The following WDR47 variants were observed in gnomAD, a reference collection of about 807,000 sequenced individuals.
WDR47 encodes the protein WD repeat-containing protein 47.
A neutral mutation model predicts 97.2 loss-of-function variants in WDR47; 32 were observed. That is an observed-to-expected ratio of 0.33 (90% confidence interval 0.25 to 0.44). The LOEUF (loss-of-function observed/expected upper bound fraction) is 0.44, where lower values mean the gene tolerates loss of function less well. WDR47 is among the 20% of genes least tolerant of loss of function. WDR47 has a pLI of 1.00. For missense variants in WDR47, 782 were observed against 1,102.3 expected (o/e 0.71, Z 4.11); for synonymous variants, 375 against 373.5 (o/e 1.00, Z -0.05).
intron 1 of WDR47, among the ~76,000 whole-genome samples, chr1:109,025,688 T>G (rs1662164772): frequency 1.4e-5 from 2 of 143,992 alleles, no homozygotes; most frequent in Non-Finnish European, 3.1e-5. Context: ...GAGCCAAGAT[T>G]GTGCCACTGC....
chr1:108,992,878 G>A (rs1659469236), intron 8 of WDR47: 8 of 1,252,302 alleles, frequency 6.4e-6, no homozygotes, highest in South Asian at 5.0e-5. Context: ...AAAAAAAAAA[G>A]TAAATCCATA....
At chr1:108,988,588 G>A (rs545972434) in intron 9 of WDR47, among the ~76,000 whole-genome samples, 1 of 151,958 alleles carries the variant, frequency 6.6e-6, no homozygotes, top group African/African-American at 2.4e-5. Flanking sequence ...GCGCTGGGGT[G>A]GGGGGATCAC....
At chr1:108,997,215 C>T (rs1374960822) in intron 7 of WDR47, among the ~76,000 whole-genome samples, 1 of 149,632 alleles carries the variant, frequency 6.7e-6, no homozygotes, top group Non-Finnish European at 1.5e-5. Flanking sequence ...TGCTTGAGCT[C>T]GGGAGTTTGA....
intron 1 of WDR47, chr1:109,030,051 T>A (rs1662509332): frequency 2.0e-6 from 1 of 499,662 alleles, no homozygotes; most frequent in South Asian, 4.8e-5. Context: ...AGTGACGACC[T>A]ACCCACAGGA....
At chr1:109,000,795 C>A (rs1178906078) in intron 7 of WDR47, among the ~76,000 whole-genome samples, 1 of 152,116 alleles carries the variant, frequency 6.6e-6, no homozygotes, top group African/African-American at 2.4e-5. Context: ...AGTTGTCAAG[C>A]AGATTACTTC....
At position 108,983,423 on chromosome 1, in the gene WDR47, C is replaced by A. The variant is rs971524749; in HGVS notation, c.1954G>T (p.Val652Leu). The change falls in exon 11 of 15, where the codon GTA becomes TTA. Residue 652 changes from valine (V) to leucine (L), a missense_variant. By Grantham distance (32) the Val-to-Leu change is conservative (BLOSUM62 1). Transcript: ENST00000369962. ...TGATGTTTATTCCTTTTAAAACGTA[C>A]CACCGGCTGCTTAGGAGTCTCATGT... ...SAHETPKQPV[V>L]RFKRNKHHKG... 1 of 1,601,794 alleles carries A rather than the reference C, an allele frequency of 6.2e-7. No individual in the cohort carries two copies. The highest frequency in any genetic ancestry group is 8.5e-7 in the Non-Finnish European group (1 of 1,174,132).
intron 2 of WDR47, among the ~76,000 whole-genome samples, chr1:109,021,517 G>A: frequency 9.9e-6 from 1 of 101,146 alleles, no homozygotes; most frequent in South Asian, 4.0e-4. Context: ...GACAAAGCAA[G>A]CCTCTATCTC....
At chr1:108,992,295 C>T (rs1659410226) in intron 8 of WDR47, 1 of 829,404 alleles carries the variant, frequency 1.2e-6, no homozygotes, top group Admixed American at 1.7e-5. Flanking sequence ...GTTCGCTATT[C>T]ACTTGACCCG....
Position 109,017,567 on chromosome 1 carries a change from G to A in WDR47, c.193C>T (p.Leu65Phe), listed in dbSNP as rs759474786. 6.2e-7 allele frequency: 1 copy of A among 1,612,332 alleles called. No individual in the cohort carries two copies. The highest frequency in any genetic ancestry group is 1.1e-5 in the South Asian group (1 of 90,694). Reference protein sequence around the residue: ...LILDGQWDEVLQFIQPLECME... With the variant: ...LILDGQWDEVFQFIQPLECME... Reference sequence around the variant, plus strand: ...CATTCTAGAGGCTGAATGAACTGAAGAACTTCATCCCATTGACCATCAAGT... The same window carrying A: ...CATTCTAGAGGCTGAATGAACTGAAAAACTTCATCCCATTGACCATCAAGT... The change falls in exon 3 of 15, where the codon CTT becomes TTT. Residue 65 changes from leucine (L) to phenylalanine (F), a missense_variant. Around this residue, in one of 3 missense-constraint regions of WDR47, gnomAD observed 428 missense variants for 584.3 expected, o/e 0.73. Transcript: ENST00000369962.
At chr1:109,001,686 T>C (rs909324681) in intron 7 of WDR47, among the ~76,000 whole-genome samples, 7 of 152,032 alleles carry the variant, frequency 4.6e-5, no homozygotes, top group African/African-American at 1.7e-4. Context: ...GGCCAGGAGT[T>C]TGAGACCAGC....
rs2101903924 is a variant in WDR47 at position 109,002,282 on chromosome 1, C to T, written c.1375G>A (p.Val459Met). 6.2e-7 allele frequency: 1 copy of T among 1,612,216 alleles called. No individual in the cohort carries two copies. Among genetic ancestry groups the T allele is most frequent in the Non-Finnish European group, 8.5e-7 (1 of 1,179,720 alleles). Reference protein sequence around the residue: ...IYQQMLLEGGVNQEDGPDQQQ... With the variant: ...IYQQMLLEGGMNQEDGPDQQQ... ...TGATCAGGACCATCCTCCTGATTCA[C>T]GCCTCCTTCAAGCAACATCTGTTGG... The change falls in exon 7 of 15, where the codon GTG becomes ATG. Residue 459 changes from valine (V) to methionine (M), a missense_variant. By Grantham distance (21) the Val-to-Met change is conservative. Transcript: ENST00000369962.
chr1:109,022,610 A>C (rs952976566), intron 2 of WDR47, among the ~76,000 whole-genome samples: 12 of 152,034 alleles, frequency 7.9e-5, no homozygotes, highest in African/African-American at 2.9e-4. Flanking sequence ...TTTGAGACGG[A>C]GTCTCACTCT....
chr1:108,991,402 A>T lies in WDR47; in HGVS notation c.1692-73T>A, dbSNP rs571588472. 7.3e-6 allele frequency: 10 copies of T among 1,376,524 alleles called. No individual in the cohort carries two copies. In the South Asian group the frequency reaches 1.3e-4, roughly 17 times the overall value. The allele number at this position is 1,376,524 out of a possible 1,614,324, so 85.3% of individuals were successfully genotyped here. ...GAAACTAAATTAATTTACCCTTTCA[A>T]ACACTAATTTTTCTTTTTAGCAAAC... is the stretch of plus-strand genomic sequence containing the variant. On this transcript the variant is annotated intron_variant, in intron 8 of 14. Transcript: ENST00000369962.
intron 1 of WDR47, among the ~76,000 whole-genome samples, chr1:109,040,574 T>C (rs990642053): frequency 6.6e-6 from 1 of 152,188 alleles, no homozygotes; most frequent in Non-Finnish European, 1.5e-5. Flanking sequence ...GTTTGGGTTT[T>C]GGCTTTTTTA....
Position 108,986,594 on chromosome 1 carries a change from T to A in WDR47, c.1854A>T (p.Gly618=). Reference sequence around the variant, plus strand: ...AATTTGAACCAACAGCATATAAACCTCCAGCTGGATGAAAAGCCACTGCTC... The same window carrying A: ...AATTTGAACCAACAGCATATAAACCACCAGCTGGATGAAAAGCCACTGCTC... The part of the protein sequence containing the change: ...AVRAVAFHPA[G]GLYAVGSNSK... Residue 618 remains glycine (G), a synonymous_variant, in exon 10 of 15, where the codon GGA becomes GGT. Transcript: ENST00000369962. 6.2e-7 allele frequency: 1 copy of A among 1,613,772 alleles called. No individual in the cohort carries two copies. The highest frequency in any genetic ancestry group is 1.3e-5 in the African/African-American group (1 of 75,030).
intron 14 of WDR47, 122 bp downstream of exon 14, chr1:108,974,414 G>T (rs1657724761): frequency 1.4e-6 from 1 of 723,906 alleles, no homozygotes. Flanking sequence ...CTCAGAATCT[G>T]CTCAATAAAT....
chr1:109,019,789 T>C (rs1291466334), intron 2 of WDR47, among the ~76,000 whole-genome samples: 2 of 152,226 alleles, frequency 1.3e-5, no homozygotes, highest in African/African-American at 2.4e-5. Flanking sequence ...CTACTTTAAA[T>C]GGTCTATGGG....
chr1:109,017,148 A>C (rs1661476199), intron 3 of WDR47, among the ~76,000 whole-genome samples: 1 of 152,202 alleles, frequency 6.6e-6, no homozygotes, highest in African/African-American at 2.4e-5. Flanking sequence ...TGCTAATAGC[A>C]AAAGAAAGGG....
intron 7 of WDR47, among the ~76,000 whole-genome samples, chr1:109,000,536 C>T (rs773716392): frequency 7.7e-6 from 1 of 130,614 alleles, no homozygotes; most frequent in African/African-American, 2.9e-5. Flanking sequence ...AAAGGCCAGG[C>T]GTGGTGGCTC....
Sources: gnomAD v4.1 joint callset for allele counts (sites outside exome capture counted in the v4.1 genomes callset) on GRCh38, gnomAD v4.1.1 for gene constraint, gnomAD v4.1.1 regional missense constraint, MANE v1.5 for transcripts, NCBI Gene and HGNC (gene_info 2026-07-23, HGNC 2026-07-21) for gene names.